Variants in MEI4 observed in about 807,000 individuals in gnomAD.
MEI4 encodes the protein meiotic double-stranded break formation protein 4.
A neutral mutation model predicts 31.4 loss-of-function variants in MEI4; 27 were observed. The ratio of observed to expected loss-of-function variants is 0.86; its 90% CI spans 0.63 to 1.19. MEI4 has a LOEUF of 1.19. Ranked by LOEUF, MEI4 falls within the 50% of genes most tolerant of loss-of-function variation. The probability of loss-of-function intolerance (pLI) is 0.00; values close to 1 mark genes in which losing one functional copy is unlikely to be tolerated. For synonymous variants in MEI4, 122 were observed against 145.4 expected (o/e 0.84, Z 1.16); for missense variants, 329 against 398.9 (o/e 0.82, Z 1.49).
Position 77,923,146 on chromosome 6 carries a change from C to T in MEI4, c.958C>T (p.Leu320=), listed in dbSNP as rs1766750084. Residue 320 remains leucine, a synonymous_variant, in exon 5 of 5, where the codon CTG becomes TTG. Coordinates refer to ENST00000684080, the MANE Select transcript of MEI4 (RefSeq NM_001322247.2). The part of the protein sequence containing the change: ...YENIFYLFWV[L]EQLLQKETEE... The stretch of plus-strand genomic sequence containing the variant: ...AAACATTTTCTACCTGTTCTGGGTT[C>T]TGGAGCAGCTTCTTCAAAAGGAAAC... 8.1e-7 allele frequency: 1 copy of T among 1,230,442 alleles called. No individual in the cohort carries two copies. Among genetic ancestry groups the T allele is most frequent in the Non-Finnish European group, 1.0e-6 (1 of 986,878 alleles). The allele number at this position is 1,230,442 out of a possible 1,614,324, so 76.2% of individuals were successfully genotyped here.
intron 2 of MEI4, among the ~76,000 whole-genome samples, chr6:77,745,670 T>C (rs553988657): frequency 1.3e-5 from 2 of 152,136 alleles, no homozygotes; most frequent in Admixed American, 6.5e-5. Context: ...AATATACATT[T>C]TTTTCAGCAC....
At chr6:77,691,826 G>A (rs141258848) in intron 2 of MEI4, among the ~76,000 whole-genome samples, 5 of 151,992 alleles carry the variant, frequency 3.3e-5, no homozygotes, top group South Asian at 2.1e-4. Flanking sequence ...AAACTAGAAC[G>A]TGTGGTTACC....
chr6:77,924,718 G>A lies in MEI4; in HGVS notation c.*1372G>A, dbSNP rs1766804932. On this transcript the variant is annotated 3_prime_UTR_variant, in exon 5 of 5. Coordinates refer to ENST00000684080, the MANE Select transcript of MEI4 (RefSeq NM_001322247.2). ...CAGTGGAAGCTCCTCTCATGGCAGT[G>A]GCAATTGAGCAAGACGAAAGGCTAG... is the stretch of plus-strand genomic sequence containing the variant. 1 of 151,748 alleles carries A rather than the reference G, an allele frequency of 6.6e-6. No individual in the cohort carries two copies. The highest frequency in any genetic ancestry group is 2.4e-5 in the African/African-American group (1 of 41,362). The allele number at this position is 151,748 out of a possible 1,614,324, so 9.4% of individuals were successfully genotyped here.
intron 2 of MEI4, among the ~76,000 whole-genome samples, chr6:77,737,357 G>T (rs1043447119): frequency 1.3e-5 from 2 of 152,134 alleles, no homozygotes; most frequent in Non-Finnish European, 2.9e-5. Flanking sequence ...AATTACTTTG[G>T]CATGGAAATA....
intron 1 of MEI4, among the ~76,000 whole-genome samples, chr6:77,689,136 A>G (rs1428070764): frequency 6.6e-6 from 1 of 152,004 alleles, no homozygotes; most frequent in Non-Finnish European, 1.5e-5. Context: ...GAGGATAAAA[A>G]TCACCAATAA....
intron 4 of MEI4, among the ~76,000 whole-genome samples, chr6:77,831,122 A>C (rs117710197): frequency 1.2e-3 from 187 of 151,978 alleles, no homozygotes; most frequent in Non-Finnish European, 2.3e-3. Context: ...AAAAAAAGAC[A>C]TACAAATGGC....
intron 4 of MEI4, among the ~76,000 whole-genome samples, chr6:77,910,048 G>A (rs777817528): frequency 6.6e-4 from 100 of 152,114 alleles, no homozygotes; most frequent in Non-Finnish European, 1.2e-3. Context: ...GGTATTGATG[G>A]GACGTATCTC....
Position 77,868,502 on chromosome 6 carries a change from C to CATATATATATAT in MEI4, c.900+39455_900+39466dup, listed in dbSNP as rs58946198. ...AAAAACTTCCATGTAAAAAATACTA[C>CATATATATATAT]ATATATATATATATATATATATATA... On this transcript the variant is annotated intron_variant, in intron 4 of 4. Coordinates refer to ENST00000684080, the MANE Select transcript of MEI4 (RefSeq NM_001322247.2). Among the ~76,000 whole-genome samples, 410 of 90,004 alleles carry CATATATATATAT rather than the reference C, an allele frequency of 4.6e-3. 14 individuals are homozygous for CATATATATATAT. The highest frequency in any genetic ancestry group is 9.5e-3 in the African/African-American group (274 of 28,932). The allele number at this position is 90,004 out of a possible 152,430, so 59.0% of individuals were successfully genotyped here.
chr6:77,709,084 G>C (rs1766397338), intron 2 of MEI4, among the ~76,000 whole-genome samples: 1 of 152,116 alleles, frequency 6.6e-6, no homozygotes, highest in South Asian at 2.1e-4. Flanking sequence ...TGTAATAAAT[G>C]TGTGATAATA....
chr6:77,898,560 T>C (rs1445910229), intron 4 of MEI4, among the ~76,000 whole-genome samples: 2 of 152,084 alleles, frequency 1.3e-5, no homozygotes, highest in African/African-American at 2.4e-5. Context: ...CTTTCACTTA[T>C]TGCCTTTGTA....
intron 3 of MEI4, among the ~76,000 whole-genome samples, chr6:77,770,138 G>A (rs73459432): frequency 0.011 from 1,600 of 151,986 alleles, 24 homozygotes; most frequent in African/African-American, 0.037. Flanking sequence ...AAAAAGGAGA[G>A]ACATTACAAC....
At chr6:77,821,423 C>T (rs1194867897) in intron 3 of MEI4, among the ~76,000 whole-genome samples, 1 of 152,148 alleles carries the variant, frequency 6.6e-6, no homozygotes, top group African/African-American at 2.4e-5. Context: ...AAAGTAGCTT[C>T]ATCTCTCAGC....
At chr6:77,757,462 C>T (rs1447813526) in intron 2 of MEI4, among the ~76,000 whole-genome samples, 1 of 152,184 alleles carries the variant, frequency 6.6e-6, no homozygotes, top group Non-Finnish European at 1.5e-5. Flanking sequence ...GTTGTGTATT[C>T]CTGTCCCCAT....
chr6:77,764,107 C>T (rs146721745), intron 3 of MEI4, among the ~76,000 whole-genome samples: 8 of 152,062 alleles, frequency 5.3e-5, no homozygotes, highest in African/African-American at 1.7e-4. Flanking sequence ...CCACCACACC[C>T]GGCCTGTTGG....
At chr6:77,909,547 GA>G (rs1477564675) in intron 4 of MEI4, among the ~76,000 whole-genome samples, 2 of 152,120 alleles carry the variant, frequency 1.3e-5, no homozygotes, top group African/African-American at 4.8e-5. Context: ...AACAGGCTCT[GA>G]AATTGAGGCA....
At chr6:77,666,874 T>TGC (rs1277114106) in intron 1 of MEI4, among the ~76,000 whole-genome samples, 6 of 140,620 alleles carry the variant, frequency 4.3e-5, no homozygotes, top group East Asian at 4.8e-4. Flanking sequence ...TGTGTGTGTG[T>TGC]GTGTGTGTGC....
chr6:77,750,889 A>C (rs1767752358), intron 2 of MEI4, among the ~76,000 whole-genome samples: 2 of 152,190 alleles, frequency 1.3e-5, no homozygotes, highest in African/African-American at 4.8e-5. Context: ...CTTCTTAGCA[A>C]ATGCAAAAGA....
intron 4 of MEI4, among the ~76,000 whole-genome samples, chr6:77,829,690 G>A (rs1473027310): frequency 6.6e-6 from 1 of 152,094 alleles, no homozygotes; most frequent in Non-Finnish European, 1.5e-5. Flanking sequence ...ATATTTTAAT[G>A]TTGACACTGG....
intron 3 of MEI4, among the ~76,000 whole-genome samples, chr6:77,811,007 A>T (rs1413016765): frequency 1.3e-5 from 2 of 152,192 alleles, no homozygotes; most frequent in Non-Finnish European, 2.9e-5. Flanking sequence ...GATATTCAAG[A>T]TTATTTAATT....
Sources: allele counts gnomAD v4.1 joint callset (sites outside exome capture counted in the v4.1 genomes callset), GRCh38; gene constraint gnomAD v4.1.1; transcripts MANE v1.5; gene names NCBI Gene and HGNC (gene_info 2026-07-23, HGNC 2026-07-21).